LGSN: variants seen among roughly 807,000 people sequenced by gnomAD.
LGSN encodes lengsin.
In LGSN, 21 loss-of-function variants were observed where a neutral mutation model predicts 19.5. The observed-to-expected ratio is 1.07, with a 90% CI of 0.76 to 1.55. The LOEUF (loss-of-function observed/expected upper bound fraction) is 1.55. LGSN is among the 40% of genes most tolerant of loss of function. The pLI is 0.00. For missense variants in LGSN, 673 were observed against 608.5 expected, an observed-to-expected ratio of 1.11 and a Z score of -1.12; for synonymous variants, 257 against 215.6, an observed-to-expected ratio of 1.19 and a Z score of -1.68.
the LGSN span, among the ~76,000 whole-genome samples, chr6:63,496,770 A>G: frequency 2.6e-5 from 4 of 151,662 alleles, no homozygotes; most frequent in South Asian, 8.3e-4. Flanking sequence ...TACAACAACA[A>G]TCCTATGAGG....
the LGSN span, among the ~76,000 whole-genome samples, chr6:63,512,521 A>G: frequency 2.8e-4 from 43 of 152,304 alleles, no homozygotes; most frequent in African/African-American, 1.0e-3. Context: ...TTAATGGGGA[A>G]TATTTTTCCT....
At chr6:63,364,942 A>C in the LGSN span, among the ~76,000 whole-genome samples, 1 of 152,218 alleles carries the variant, frequency 6.6e-6, no homozygotes, top group Non-Finnish European at 1.5e-5. Context: ...AGCAGTGTGT[A>C]GAGGGAAATT....
the LGSN span, among the ~76,000 whole-genome samples, chr6:63,522,118 C>A: frequency 3.5e-4 from 53 of 152,248 alleles, no homozygotes; most frequent in African/African-American, 1.2e-3. Context: ...ATAGGTGAAT[C>A]CTTGTCTTCC....
the LGSN span, among the ~76,000 whole-genome samples, chr6:63,463,016 G>C: frequency 6.6e-6 from 1 of 152,308 alleles, no homozygotes; most frequent in African/African-American, 2.4e-5. Context: ...AAACATTACT[G>C]TAATGATTTC....
At chr6:63,546,229 T>C in the LGSN span, among the ~76,000 whole-genome samples, 2,102 of 152,268 alleles carry the variant, frequency 0.014, 47 homozygotes, top group African/African-American at 0.048. Context: ...ATACTGTCCT[T>C]TGCTATGACA....
At chr6:63,502,056 T>C in the LGSN span, among the ~76,000 whole-genome samples, 1 of 152,212 alleles carries the variant, frequency 6.6e-6, no homozygotes, top group Admixed American at 6.5e-5. Context: ...CACTTTGGCC[T>C]CCCAAAATGT....
At chr6:63,376,682 A>G in the LGSN span, among the ~76,000 whole-genome samples, 1,118 of 152,378 alleles carry the variant, frequency 7.3e-3, 7 homozygotes, top group Non-Finnish European at 0.012. Flanking sequence ...AATATGAGAA[A>G]GGAATCATCA....
the LGSN span, among the ~76,000 whole-genome samples, chr6:63,465,274 G>A: frequency 1.3e-3 from 198 of 151,824 alleles, no homozygotes; most frequent in Middle Eastern, 3.4e-3. Context: ...TCCACCTCCC[G>A]GGTTCAAGTG....
the LGSN span, among the ~76,000 whole-genome samples, chr6:63,415,235 C>T: frequency 6.6e-6 from 1 of 152,280 alleles, no homozygotes; most frequent in Middle Eastern, 3.4e-3. Context: ...GTAGGAGAAT[C>T]TCTTGAACCC....
chr6:63,307,470 T>G (rs1447513063), intron 1 of LGSN, among the ~76,000 whole-genome samples: 4 of 152,218 alleles, frequency 2.6e-5, no homozygotes, highest in Non-Finnish European at 1.5e-5. Context: ...TACTAGTTCT[T>G]TAACTCTTTA....
chr6:63,459,775 G>C, the LGSN span, among the ~76,000 whole-genome samples: 1 of 152,050 alleles, frequency 6.6e-6, no homozygotes, highest in African/African-American at 2.4e-5. Flanking sequence ...TTAGCCAGGC[G>C]TGGTTGTGGG....
the LGSN span, among the ~76,000 whole-genome samples, chr6:63,328,392 G>A: frequency 6.6e-6 from 1 of 152,196 alleles, no homozygotes; most frequent in Non-Finnish European, 1.5e-5. Flanking sequence ...CATATTTCAA[G>A]CACTGGTCCC....
In LGSN at chr6:63,285,587, T is replaced by G; in HGVS notation, c.330A>C (p.Gln110His). 1 of 1,611,540 alleles carries G rather than the reference T, an allele frequency of 6.2e-7. No individual in the cohort carries two copies. The highest frequency in any genetic ancestry group is 8.5e-7 in the Non-Finnish European group (1 of 1,178,192). ...TTAGTCACAACTGTGTAAAACTCACTTGAAAAAAGTGTGCAGGGATAGTCT... is the reference window on the plus strand; with the variant it reads ...TTAGTCACAACTGTGTAAAACTCACGTGAAAAAAGTGTGCAGGGATAGTCT... Reference protein sequence around the residue: ...RSKTIPAHFFQEKVSHGVCMP... With the variant: ...RSKTIPAHFFHEKVSHGVCMP... Residue 110 changes from glutamine to histidine, a missense_variant and splice_region_variant, in exon 3 of 4, where the codon CAA (glutamine) becomes CAC (histidine). Gln to His is a conservative substitution (Grantham distance 24). Transcript: ENST00000370657.
intron 1 of LGSN, among the ~76,000 whole-genome samples, chr6:63,310,062 C>A (rs1190937942): frequency 1.3e-5 from 2 of 152,214 alleles, no homozygotes; most frequent in East Asian, 3.8e-4. Flanking sequence ...CCAGCCTTCA[C>A]AGCTGGGAAT....
At chr6:63,554,562 C>T in the LGSN span, among the ~76,000 whole-genome samples, 1 of 152,156 alleles carries the variant, frequency 6.6e-6, no homozygotes, top group African/African-American at 2.4e-5. Context: ...CTTTGGGAGG[C>T]CAAGGTGGGT....
the LGSN span, among the ~76,000 whole-genome samples, chr6:63,417,099 T>C: frequency 1.3e-5 from 2 of 152,118 alleles, no homozygotes; most frequent in African/African-American, 4.8e-5. Flanking sequence ...ACAGTTCTGC[T>C]TTGCCACCTG....
the LGSN span, among the ~76,000 whole-genome samples, chr6:63,331,951 A>G: frequency 2.0e-5 from 3 of 152,170 alleles, no homozygotes; most frequent in Non-Finnish European, 4.4e-5. Context: ...TAAAGATGTT[A>G]TGCCCCAAAA....
chr6:63,419,444 A>G, the LGSN span, among the ~76,000 whole-genome samples: 1 of 152,122 alleles, frequency 6.6e-6, no homozygotes, highest in South Asian at 2.1e-4. Flanking sequence ...ATACACTGCA[A>G]ACTCTGAAGG....
the LGSN span, among the ~76,000 whole-genome samples, chr6:63,369,905 G>A: frequency 6.6e-6 from 1 of 152,094 alleles, no homozygotes; most frequent in Non-Finnish European, 1.5e-5. Context: ...AGGAGGCTAA[G>A]GCATGAGAAT....
Sources: gnomAD v4.1 joint callset for allele counts (sites outside exome capture counted in the v4.1 genomes callset) on GRCh38, gnomAD v4.1.1 for gene constraint, MANE v1.5 for transcripts, NCBI Gene and HGNC (gene_info 2026-07-23, HGNC 2026-07-21) for gene names.